Variants in THG1L observed in about 807,000 individuals in gnomAD.
THG1L encodes the protein tRNA-histidine guanylyltransferase 1 like, also known as probable tRNA(His) guanylyltransferase.
Under a neutral mutation model 35.2 loss-of-function variants are expected in THG1L, and 27 were observed. The observed-to-expected ratio is 0.77, with a 90% confidence interval of 0.57 to 1.06. THG1L has a LOEUF of 1.06. THG1L is among the 50% of genes least tolerant of loss of function. The pLI is 0.00. For missense variants in THG1L, 377 were observed against 371.8 expected, an observed-to-expected ratio of 1.01 and a Z score of -0.12; for synonymous variants, 135 against 132.4, an observed-to-expected ratio of 1.02 and a Z score of -0.14.
chr5:157,734,530 T>C, intron 2 of THG1L, 46 bp from the exon 3 acceptor site: 1 of 1,607,546 alleles, frequency 6.2e-7, no homozygotes, highest in Non-Finnish European at 8.5e-7. Flanking sequence ...TAATTCCGTG[T>C]ATTTTTCTTT....
rs764721613 is a variant in THG1L at position 157,739,948 on chromosome 5, CAAGAT to C, written c.*469_*473del. On this transcript the variant is annotated 3_prime_UTR_variant, in exon 6 of 6. Transcript: ENST00000231198. ...ACTTGCATTCGTCTTTGGCAGACCTCAAGATAAATATGGGTTAATGCCTGCATGAT... is the reference window on the plus strand; with the variant it reads ...ACTTGCATTCGTCTTTGGCAGACCTCAAATATGGGTTAATGCCTGCATGAT... 7 of 152,400 alleles carry C rather than the reference CAAGAT, an allele frequency of 4.6e-5. No individual in the cohort carries two copies. The highest frequency in any genetic ancestry group is 8.8e-5 in the Non-Finnish European group (6 of 68,222). The allele number at this position is 152,400 out of a possible 1,614,324, so 9.4% of individuals were successfully genotyped here.
Position 157,739,456 on chromosome 5 carries a change from C to A in THG1L, c.871C>A (p.Pro291Thr). Residue 291 changes from proline to threonine, a missense_variant, in exon 6 of 6, where the codon CCA becomes ACA. Coordinates refer to ENST00000231198, the MANE Select transcript of THG1L (RefSeq NM_017872.5). ...IIGDAFWKEH[P>T]EILDEDS The stretch of plus-strand genomic sequence containing the variant: ...CGGGGATGCTTTCTGGAAGGAACAT[C>A]CAGAGATTCTAGATGAAGACAGCTG... The A allele has an allele frequency of 6.2e-7, 1 of 1,613,368 alleles. No homozygotes were observed. Among genetic ancestry groups the A allele is most frequent in the South Asian group, 1.1e-5 (1 of 90,882 alleles).
chr5:157,732,740 A>T, intron 1 of THG1L, 128 bp from the exon 2 acceptor site: 1 of 1,069,442 alleles, frequency 9.4e-7, no homozygotes, highest in South Asian at 1.6e-5. Flanking sequence ...GGTTGTGGCT[A>T]GTTGAGCATT....
intron 5 of THG1L, chr5:157,738,567 T>C (rs956332249): frequency 7.2e-5 from 30 of 417,094 alleles, no homozygotes; most frequent in South Asian, 5.1e-4. Context: ...TAAATTTATT[T>C]CCTTCCATGT....
rs781494925 is a variant in THG1L at position 157,732,932 on chromosome 5, T to A, written c.256T>A (p.Cys86Ser). ...CCGTGCTCTCCAGCTGATGACCAAATGTGCGCAGACTGTGATGGAAGAACT... is the reference window on the plus strand; with the variant it reads ...CCGTGCTCTCCAGCTGATGACCAAAAGTGCGCAGACTGTGATGGAAGAACT... ...DSRALQLMTK[C>S]AQTVMEELED... The change falls in exon 2 of 6, where the codon TGT becomes AGT. Residue 86 changes from cysteine (C) to serine (S), a missense_variant. Cys to Ser is a moderately radical substitution (Grantham distance 112). Transcript: ENST00000231198. 1 of 1,614,192 alleles carries A rather than the reference T, an allele frequency of 6.2e-7. No homozygotes were observed. Among genetic ancestry groups the A allele is most frequent in the Admixed American group, 1.7e-5 (1 of 60,024 alleles).
At chr5:157,737,488 A>C (rs1760916499) in intron 4 of THG1L, among the ~76,000 whole-genome samples, 1 of 152,336 alleles carries the variant, frequency 6.6e-6, no homozygotes, top group African/African-American at 2.4e-5. Context: ...GTCTAAAAAA[A>C]AAAAAGGCAT....
intron 4 of THG1L, among the ~76,000 whole-genome samples, chr5:157,737,166 A>G (rs1457052524): frequency 6.6e-6 from 1 of 152,140 alleles, no homozygotes; most frequent in Non-Finnish European, 1.5e-5. Context: ...TTTTAATAAT[A>G]GTAATGATAG....
At chr5:157,735,820 A>G in intron 3 of THG1L, 26 bp from the exon 4 acceptor site, 1 of 1,455,994 alleles carries the variant, frequency 6.9e-7, no homozygotes, top group Non-Finnish European at 9.5e-7. Flanking sequence ...ATGTATATAA[A>G]CATTACTATT....
chr5:157,738,727 G>A, intron 5 of THG1L: 1 of 368,246 alleles, frequency 2.7e-6, no homozygotes, highest in East Asian at 9.1e-5. Flanking sequence ...TCTTAATGCA[G>A]GTGGAAGGTA....
rs1761038468 is a variant in THG1L at position 157,741,361 on chromosome 5, TCTCA to T, written c.*1883_*1886del. On this transcript the variant is annotated 3_prime_UTR_variant, in exon 6 of 6. Transcript: ENST00000231198. The stretch of plus-strand genomic sequence containing the variant: ...TCGATGCCATTTTTTCCCTTCCTGT[TCTCA>T]CTCCACAGAAAGAGGAGATACGGTT... 6.6e-6 allele frequency: 1 copy of T among 152,220 alleles called. No homozygotes were observed. The highest frequency in any genetic ancestry group is 1.5e-5 in the Non-Finnish European group (1 of 68,046). The allele number at this position is 152,220 out of a possible 1,614,324, so 9.4% of individuals were successfully genotyped here.
At chr5:157,739,285 G>T in intron 5 of THG1L, 36 bp from the exon 6 acceptor site, 2 of 1,600,944 alleles carry the variant, frequency 1.2e-6, no homozygotes, top group South Asian at 2.2e-5. Context: ...ACCCACTCCT[G>T]ACTTAACAAT....
chr5:157,731,649 G>A lies in THG1L; in HGVS notation c.191+18G>A, dbSNP rs776026621. 1.9e-6 allele frequency: 3 copies of A among 1,578,678 alleles called. No individual in the cohort carries two copies. In the East Asian group the frequency reaches 6.9e-5, roughly 36 times the overall value. ...TTCCATCGGTGAGCGAGCTCGACTC[G>A]GGGCGTCGCGATGCGCCAGCGCTTC... On this transcript the variant is annotated intron_variant, in intron 1 of 5. Transcript: ENST00000231198.
chr5:157,739,454 A>G lies in THG1L; in HGVS notation c.869A>G (p.His290Arg). Residue 290 changes from histidine (H) to arginine (R), a missense_variant, in exon 6 of 6, where the codon CAT (histidine) becomes CGT (arginine). Coordinates refer to ENST00000231198, the MANE Select transcript of THG1L (RefSeq NM_017872.5). ...ATCGGGGATGCTTTCTGGAAGGAACATCCAGAGATTCTAGATGAAGACAGC... is the reference window on the plus strand; with the variant it reads ...ATCGGGGATGCTTTCTGGAAGGAACGTCCAGAGATTCTAGATGAAGACAGC... ...DIIGDAFWKEHPEILDEDS is the reference protein window; with the variant it reads ...DIIGDAFWKERPEILDEDS 1 of 1,613,578 alleles carries G rather than the reference A, an allele frequency of 6.2e-7. No individual in the cohort carries two copies. The highest frequency in any genetic ancestry group is 8.5e-7 in the Non-Finnish European group (1 of 1,179,714).
In THG1L at chr5:157,739,251, C is replaced by T. The variant is rs562946230; in HGVS notation, c.736-70C>T. On this transcript the variant is annotated intron_variant, in intron 5 of 5. Transcript: ENST00000231198. ...TATGAAGATAAAAAGTGAGCTATCCCCACATCTTTCCTTTCTCTCCCAAAC... is the reference window on the plus strand; with the variant it reads ...TATGAAGATAAAAAGTGAGCTATCCTCACATCTTTCCTTTCTCTCCCAAAC... 11 of 1,511,308 alleles carry T rather than the reference C, an allele frequency of 7.3e-6. No individual in the cohort carries two copies. In the African/African-American group the frequency reaches 1.4e-4, roughly 19 times the overall value. The allele number at this position is 1,511,308 out of a possible 1,614,324, so 93.6% of individuals were successfully genotyped here.
chr5:157,734,395 G>GA (rs919675043), intron 2 of THG1L, among the ~76,000 whole-genome samples, 181 bp from the exon 3 acceptor site: 32 of 150,190 alleles, frequency 2.1e-4, no homozygotes, highest in Admixed American at 9.3e-4. Flanking sequence ...CCTAAAAAAA[G>GA]AAAAAAAAAT....
At chr5:157,738,287 A>G (rs1375468578) in intron 5 of THG1L, among the ~76,000 whole-genome samples, 4 of 152,240 alleles carry the variant, frequency 2.6e-5, no homozygotes, top group African/African-American at 9.6e-5. Flanking sequence ...GATACAGTAC[A>G]GATATGAGGA....
intron 2 of THG1L, 28 bp from the exon 3 acceptor site, chr5:157,734,548 T>C: frequency 6.2e-7 from 1 of 1,611,490 alleles, no homozygotes; most frequent in Non-Finnish European, 8.5e-7. Context: ...TTTTTCTTAC[T>C]CCACCCAATG....
chr5:157,731,706 TCCCG>T, intron 1 of THG1L, 75 bp downstream of exon 1: 3 of 1,506,580 alleles, frequency 2.0e-6, no homozygotes, highest in Non-Finnish European at 1.8e-6. Flanking sequence ...TTGCAAGTCC[TCCCG>T]CCCGCTCCAG....
At chr5:157,733,394 T>C (rs2113032518) in intron 2 of THG1L, among the ~76,000 whole-genome samples, 1 of 152,362 alleles carries the variant, frequency 6.6e-6, no homozygotes, top group Admixed American at 6.5e-5. Context: ...ACACTGTTCC[T>C]CAAGACAGAT....
Sources: gnomAD v4.1 joint callset for allele counts (sites outside exome capture counted in the v4.1 genomes callset) on GRCh38, gnomAD v4.1.1 for gene constraint, MANE v1.5 for transcripts, NCBI Gene and HGNC (gene_info 2026-07-23, HGNC 2026-07-21) for gene names.